The following ADAMTS2 variants were observed in gnomAD, a reference collection of about 807,000 sequenced individuals.
ADAMTS2 encodes A disintegrin and metalloproteinase with thrombospondin motifs 2.
Under a neutral mutation model 123.0 loss-of-function variants are expected in ADAMTS2, and 50 were observed. That is an observed-to-expected ratio of 0.41 (90% confidence interval 0.32 to 0.51). ADAMTS2 has a LOEUF of 0.51. ADAMTS2 is among the 20% of genes least tolerant of loss of function. ADAMTS2 has a pLI of 0.35. For missense variants in ADAMTS2, 1,494 were observed against 1,705.2 expected (o/e 0.88, Z 2.18); for synonymous variants, 678 against 695.4 (o/e 0.98, Z 0.39).
At chr5:179,278,779 AC>A (rs928716299) in intron 2 of ADAMTS2, among the ~76,000 whole-genome samples, 1 of 151,698 alleles carries the variant, frequency 6.6e-6, no homozygotes, top group Non-Finnish European at 1.5e-5. Flanking sequence ...GCCTGGTAGT[AC>A]CCGGGTCATC....
At chr5:179,290,604 C>T (rs1172728082) in intron 2 of ADAMTS2, among the ~76,000 whole-genome samples, 1 of 152,142 alleles carries the variant, frequency 6.6e-6, no homozygotes, top group African/African-American at 2.4e-5. Context: ...GCTATTTTTG[C>T]AACTTTTCTT....
intron 5 of ADAMTS2, among the ~76,000 whole-genome samples, chr5:179,171,248 T>C (rs886745838): frequency 1.3e-5 from 2 of 152,140 alleles, no homozygotes. Context: ...CAGGATGGCC[T>C]CTCCCCTGGC....
chr5:179,311,153 C>A (rs965786769), intron 2 of ADAMTS2, among the ~76,000 whole-genome samples: 2 of 151,536 alleles, frequency 1.3e-5, no homozygotes, highest in African/African-American at 2.4e-5. Flanking sequence ...AGCAGATGTT[C>A]ACTCTGAGGC....
chr5:179,207,544 A>G lies in ADAMTS2; in HGVS notation c.860T>C (p.Val287Ala). 1 of 1,420,462 alleles carries G rather than the reference A, an allele frequency of 7.0e-7. No individual in the cohort carries two copies. Among genetic ancestry groups the G allele is most frequent in the Non-Finnish European group, 9.4e-7 (1 of 1,068,216 alleles). 88.0% of individuals were successfully genotyped at this position (1,420,462 alleles called of 1,614,324 possible). A position where few individuals can be genotyped will look rare whatever the true frequency, so the allele number is the denominator to read the frequency against. ...CATGAGTGTCAGCAGGTACTTCTGTACGTGCTCCTTCCCGTGGAACTGCAC... is the reference window on the plus strand; with the variant it reads ...CATGAGTGTCAGCAGGTACTTCTGTGCGTGCTCCTTCCCGTGGAACTGCAC... ...SVVQFHGKEHVQKYLLTLMNI... is the reference protein window; with the variant it reads ...SVVQFHGKEHAQKYLLTLMNI... Residue 287 changes from valine to alanine, a missense_variant, in exon 4 of 22, where the codon GTA becomes GCA. Val to Ala is a moderately conservative substitution (Grantham distance 64, BLOSUM62 0). Coordinates refer to ENST00000251582, the MANE Select transcript of ADAMTS2 (RefSeq NM_014244.5).
intron 3 of ADAMTS2, among the ~76,000 whole-genome samples, chr5:179,223,982 A>G (rs79108659): frequency 6.2e-4 from 94 of 152,388 alleles, no homozygotes; most frequent in Non-Finnish European, 1.3e-3. Context: ...AAAAACGCCT[A>G]TTGGATAAAT....
chr5:179,308,483 G>C lies in ADAMTS2; in HGVS notation c.534+35284C>G, dbSNP rs1756736966. ...GCCACTGTTCACGAGCAAGGGTGCA[G>C]GGGCACCAGAGCCCACAGGAGCTCC... is the stretch of plus-strand genomic sequence containing the variant. On this transcript the variant is annotated intron_variant, in intron 2 of 21. Transcript: ENST00000251582. The surrounding 1 kb of genome is among the most constrained non-coding windows in gnomAD (Gnocchi z 6.6). Among the ~76,000 whole-genome samples the C allele has an allele frequency of 6.6e-6, 1 of 152,236 alleles. No homozygotes were observed. Among genetic ancestry groups the C allele is most frequent in the Non-Finnish European group, 1.5e-5 (1 of 68,044 alleles).
intron 4 of ADAMTS2, among the ~76,000 whole-genome samples, chr5:179,201,792 ACT>A: frequency 6.6e-6 from 1 of 152,094 alleles, no homozygotes; most frequent in East Asian, 1.9e-4. Flanking sequence ...ACAGAGTGAG[ACT>A]CTGTCTCACA....
intron 4 of ADAMTS2, among the ~76,000 whole-genome samples, chr5:179,193,117 ATC>A (rs1764343877): frequency 6.6e-6 from 1 of 152,070 alleles, no homozygotes; most frequent in Non-Finnish European, 1.5e-5. Context: ...CACTGTGACT[ATC>A]TCCACTACCA....
intron 2 of ADAMTS2, among the ~76,000 whole-genome samples, chr5:179,275,468 T>G (rs1561671692): frequency 6.6e-6 from 1 of 151,928 alleles, no homozygotes; most frequent in Non-Finnish European, 1.5e-5. Context: ...GTGGACATGG[T>G]GGAAAGAGAC....
rs34487370 is a variant in ADAMTS2, at chr5:179,320,186, CCTT to C, written c.534+23578_534+23580del. ...CTCCCGCTCCATGTCTGCCTCGTGTCCTTCTCTCTCCTGCTGTGCTCCTGGGCA... is the reference window on the plus strand; with the variant it reads ...CTCCCGCTCCATGTCTGCCTCGTGTCCTCTCTCCTGCTGTGCTCCTGGGCA... On this transcript the variant is annotated intron_variant, in intron 2 of 21. Coordinates refer to ENST00000251582, the MANE Select transcript of ADAMTS2 (RefSeq NM_014244.5). 7.9e-3 allele frequency among the ~76,000 whole-genome samples: 1,207 copies of C among 152,382 alleles called. 10 individuals carry two copies. Among genetic ancestry groups the C allele is most frequent in the Non-Finnish European group, 0.013 (900 of 68,042 alleles).
In ADAMTS2 at chr5:179,222,817, C is replaced by T. The variant is rs559946876; in HGVS notation, c.689-15102G>A. The stretch of plus-strand genomic sequence containing the variant: ...GTTGTGAACTGACTCCTGCCAAGCC[C>T]TGAGAGGGCATCAAGTCTGGCAGCA... On this transcript the variant is annotated intron_variant, in intron 3 of 21. Coordinates refer to ENST00000251582, the MANE Select transcript of ADAMTS2 (RefSeq NM_014244.5). Among the ~76,000 whole-genome samples the T allele has an allele frequency of 3.3e-3, 509 of 152,302 alleles. 2 individuals are homozygous for T. The highest frequency in any genetic ancestry group is 0.011 in the African/African-American group (464 of 41,564).
At chr5:179,154,444 G>A (rs1429889115) in intron 7 of ADAMTS2, among the ~76,000 whole-genome samples, 11 of 152,300 alleles carry the variant, frequency 7.2e-5, no homozygotes, top group Admixed American at 3.9e-4. Flanking sequence ...GGGGGGGACC[G>A]TGGCTTCCCT....
In ADAMTS2 at chr5:179,312,240, T is replaced by C. The variant is rs1263312349; in HGVS notation, c.534+31527A>G. On this transcript the variant is annotated intron_variant, in intron 2 of 21. Transcript: ENST00000251582. This position sits in a 1 kb window ranked among gnomAD's most constrained non-coding sequence, Gnocchi z 4.2. The stretch of plus-strand genomic sequence containing the variant: ...CTGAGATGGAGTGACTGCTGGATTT[T>C]CCGGGTGGGCCCAGGGATAGACAGA... Among the ~76,000 whole-genome samples, 1 of 152,212 alleles carries C rather than the reference T, an allele frequency of 6.6e-6. No homozygotes were observed.
At chr5:179,231,160 G>A (rs11249617) in intron 3 of ADAMTS2, among the ~76,000 whole-genome samples, 2 of 151,990 alleles carry the variant, frequency 1.3e-5, no homozygotes, top group Non-Finnish European at 2.9e-5. Context: ...GGACAAATAC[G>A]GCACTCGTCC....
chr5:179,213,394 A>G (rs1764905660), intron 3 of ADAMTS2, among the ~76,000 whole-genome samples: 1 of 152,138 alleles, frequency 6.6e-6, no homozygotes, highest in African/African-American at 2.4e-5. Flanking sequence ...TCAGATAGAG[A>G]ACCCTGGGGG....
intron 3 of ADAMTS2, among the ~76,000 whole-genome samples, chr5:179,268,226 T>C (rs1766425689): frequency 6.6e-6 from 1 of 152,232 alleles, no homozygotes; most frequent in African/African-American, 2.4e-5. Flanking sequence ...CCTGTGCCCA[T>C]GGCAAGGCCA....
At position 179,113,417 on chromosome 5, in the gene ADAMTS2, G is replaced by A. The variant is rs1418671862; in HGVS notation, c.*450C>T. ...ACCTCCACTTCATTGTACTCATCTCGGCAACGGGTCAGTTATTCAGTAAAT... is the reference window on the plus strand; with the variant it reads ...ACCTCCACTTCATTGTACTCATCTCAGCAACGGGTCAGTTATTCAGTAAAT... On this transcript the variant is annotated 3_prime_UTR_variant, in exon 22 of 22. Transcript: ENST00000251582. 2 of 228,982 alleles carry A rather than the reference G, an allele frequency of 8.7e-6. No homozygotes were observed. Among genetic ancestry groups the A allele is most frequent in the East Asian group, 1.0e-4 (1 of 9,606 alleles). 14.2% of individuals were successfully genotyped at this position (228,982 alleles called of 1,614,324 possible).
chr5:179,177,441 T>G (rs534427336), intron 5 of ADAMTS2, among the ~76,000 whole-genome samples: 3 of 152,306 alleles, frequency 2.0e-5, no homozygotes, highest in African/African-American at 7.2e-5. Flanking sequence ...TTGGGTAGAT[T>G]TCAGAATACA....
chr5:179,345,258 G>A lies in ADAMTS2; in HGVS notation c.71C>T (p.Pro24Leu), dbSNP rs193247334. 1.1e-5 allele frequency: 12 copies of A among 1,136,326 alleles called. No homozygotes were observed. The East Asian group carries it at 2.9e-4, about 27-fold the overall frequency. 70.4% of individuals were successfully genotyped at this position (1,136,326 alleles called of 1,614,324 possible). Residue 24 changes from proline to leucine, a missense_variant, in exon 1 of 22, where the codon CCG (proline) becomes CTG (leucine). Around this residue, in one of 6 missense-constraint regions of ADAMTS2, gnomAD observed 237 missense variants for 233.7 expected, o/e 1.01. Transcript: ENST00000251582. The surrounding 1 kb of genome is among the most constrained non-coding windows in gnomAD (Gnocchi z 7.5). ...PALLLLLLLL[P>L]PPLLPPPPPP... ...CGGCGGCGGCGGCAGGAGCGGCGGC[G>A]GCAGCAGCAGCAGCAGCAGCAGCAG...
Sources: allele counts gnomAD v4.1 joint callset (sites outside exome capture counted in the v4.1 genomes callset), GRCh38; gene constraint gnomAD v4.1.1; regional missense constraint gnomAD v4.1.1; non-coding constraint Gnocchi (gnomAD v3.1); transcripts MANE v1.5; gene names NCBI Gene and HGNC (gene_info 2026-07-23, HGNC 2026-07-21).